EXOC4: variants seen among roughly 807,000 people sequenced by gnomAD.
EXOC4 encodes the protein SEC8-like 1.
EXOC4 carries 71 observed loss-of-function variants against 107.2 expected under a neutral mutation model. The ratio of observed to expected loss-of-function variants is 0.66; its 90% CI spans 0.55 to 0.81. EXOC4 has a LOEUF of 0.81. Among genes scored for constraint, EXOC4 ranks in the 30% least tolerant of loss-of-function variants. The pLI, the probability that EXOC4 is intolerant of heterozygous loss-of-function variation, is 0.00. For synonymous variants in EXOC4, 456 were observed against 441.2 expected (o/e 1.03, Z -0.42); for missense variants, 1,108 against 1,189.6 (o/e 0.93, Z 1.01).
At chr7:133,820,508 A>C (rs2151220256) in intron 11 of EXOC4, among the ~76,000 whole-genome samples, 1 of 152,318 alleles carries the variant, frequency 6.6e-6, no homozygotes, top group Non-Finnish European at 1.5e-5. Context: ...AATCTGAAAA[A>C]AGAATAAGAA....
intron 17 of EXOC4, among the ~76,000 whole-genome samples, chr7:134,048,346 G>T (rs1270110347): frequency 6.6e-6 from 1 of 152,138 alleles, no homozygotes; most frequent in Admixed American, 6.5e-5. Context: ...GGTAGGAAGG[G>T]GTTTGTTTTG....
At chr7:133,944,656 G>A (rs564381381) in intron 14 of EXOC4, among the ~76,000 whole-genome samples, 2 of 152,130 alleles carry the variant, frequency 1.3e-5, no homozygotes, top group South Asian at 2.1e-4. Flanking sequence ...CATGATAGAA[G>A]CATCTTATTA....
In EXOC4 at chr7:133,298,546, G is replaced by A. The variant is rs1232808178; in HGVS notation, c.472-7331G>A. 4.6e-5 allele frequency among the ~76,000 whole-genome samples: 7 copies of A among 152,244 alleles called. No homozygotes were observed. In the South Asian group the frequency reaches 1.0e-3, roughly 23 times the overall value. ...AATGCTCTCTTACAGAGCACTGATG[G>A]GAACTGGGAATTGAAGGGACCATGA... On this transcript the variant is annotated intron_variant, in intron 3 of 17. Coordinates refer to ENST00000253861, the MANE Select transcript of EXOC4 (RefSeq NM_021807.4).
intron 11 of EXOC4, among the ~76,000 whole-genome samples, chr7:133,861,025 A>C (rs1371928801): frequency 5.3e-5 from 8 of 152,200 alleles, no homozygotes; most frequent in Non-Finnish European, 1.2e-4. Context: ...AGATATCCAA[A>C]TACTACTGAC....
chr7:133,547,324 T>A (rs1302305932), intron 9 of EXOC4, among the ~76,000 whole-genome samples: 4 of 152,218 alleles, frequency 2.6e-5, no homozygotes, highest in African/African-American at 9.7e-5. Flanking sequence ...CTGATGATCA[T>A]CTGAGCCTTC....
intron 14 of EXOC4, among the ~76,000 whole-genome samples, chr7:133,962,819 C>G (rs1285516209): frequency 6.6e-6 from 1 of 152,186 alleles, no homozygotes; most frequent in African/African-American, 2.4e-5. Flanking sequence ...GTCTCATATT[C>G]TACAGATGGG....
chr7:133,597,941 C>T (rs1442984864), intron 9 of EXOC4, among the ~76,000 whole-genome samples: 1 of 151,966 alleles, frequency 6.6e-6, no homozygotes, highest in Non-Finnish European at 1.5e-5. Flanking sequence ...ATTGCTTGAA[C>T]CTGGGAGGCT....
chr7:133,929,529 A>C (rs1003859498), intron 13 of EXOC4, among the ~76,000 whole-genome samples: 2 of 152,008 alleles, frequency 1.3e-5, no homozygotes, highest in Non-Finnish European at 2.9e-5. Flanking sequence ...CCAATTTTAC[A>C]CAAAGCATTT....
At chr7:133,317,045 C>G (rs886344815) in intron 4 of EXOC4, among the ~76,000 whole-genome samples, 1 of 152,060 alleles carries the variant, frequency 6.6e-6, no homozygotes, top group Non-Finnish European at 1.5e-5. Flanking sequence ...AATGAAATGA[C>G]AAAATAAAAA....
chr7:133,779,883 A>G (rs567076588), intron 10 of EXOC4, among the ~76,000 whole-genome samples: 1 of 152,172 alleles, frequency 6.6e-6, no homozygotes, highest in Admixed American at 6.6e-5. Flanking sequence ...CAGCAGCAGC[A>G]ACATTTATTG....
chr7:133,974,657 C>G (rs2953623), intron 14 of EXOC4, among the ~76,000 whole-genome samples: 105,517 of 152,040 alleles, frequency 0.69, 37,004 homozygotes, highest in East Asian at 0.91. Context: ...TAGAGTGAAA[C>G]AAGAGTTCTG....
intron 5 of EXOC4, among the ~76,000 whole-genome samples, chr7:133,349,164 A>G (rs1192836193): frequency 6.6e-6 from 1 of 151,836 alleles, no homozygotes; most frequent in Non-Finnish European, 1.5e-5. Context: ...GTCACATACC[A>G]TAAAGCCTAC....
chr7:133,959,363 A>G (rs1253782963), intron 14 of EXOC4, among the ~76,000 whole-genome samples: 1 of 152,144 alleles, frequency 6.6e-6, no homozygotes, highest in Non-Finnish European at 1.5e-5. Flanking sequence ...AGGAACTTTC[A>G]GAAAACAAGA....
chr7:133,758,176 C>T (rs1795957277), intron 10 of EXOC4, among the ~76,000 whole-genome samples: 1 of 152,082 alleles, frequency 6.6e-6, no homozygotes, highest in South Asian at 2.1e-4. Context: ...GATGGAGTCT[C>T]GCTCTGTTGC....
chr7:133,898,930 A>T (rs1799386856), intron 12 of EXOC4, among the ~76,000 whole-genome samples: 1 of 150,876 alleles, frequency 6.6e-6, no homozygotes, highest in African/African-American at 2.4e-5. Context: ...GTGAGTTGAG[A>T]TTGCACCCCT....
At chr7:133,704,482 A>G (rs1473761042) in intron 10 of EXOC4, among the ~76,000 whole-genome samples, 2 of 152,210 alleles carry the variant, frequency 1.3e-5, no homozygotes, top group African/African-American at 2.4e-5. Flanking sequence ...CCTTTTTCCT[A>G]TCACTGTTAT....
chr7:133,925,481 G>A (rs1401456017), intron 13 of EXOC4, among the ~76,000 whole-genome samples: 1 of 152,126 alleles, frequency 6.6e-6, no homozygotes, highest in Non-Finnish European at 1.5e-5. Flanking sequence ...CCTGCTTTCT[G>A]GAGATGTAAT....
intron 10 of EXOC4, among the ~76,000 whole-genome samples, chr7:133,676,540 C>T (rs1794061522): frequency 6.6e-6 from 1 of 152,108 alleles, no homozygotes; most frequent in African/African-American, 2.4e-5. Context: ...TGTCTCTTTT[C>T]ATGTGTAGGA....
At chr7:133,359,646 G>C (rs1419669338) in intron 6 of EXOC4, among the ~76,000 whole-genome samples, 1 of 152,048 alleles carries the variant, frequency 6.6e-6, no homozygotes, top group Non-Finnish European at 1.5e-5. Context: ...TTCCCTAAAA[G>C]TTTCATCATC....
Sources: gnomAD v4.1 joint callset for allele counts (sites outside exome capture counted in the v4.1 genomes callset) on GRCh38, gnomAD v4.1.1 for gene constraint, MANE v1.5 for transcripts, NCBI Gene and HGNC (gene_info 2026-07-23, HGNC 2026-07-21) for gene names.